The following AKT3 variants were observed in gnomAD, a reference collection of about 807,000 sequenced individuals.
AKT3 encodes RAC-gamma serine/threonine-protein kinase.
AKT3 carries 15 observed loss-of-function variants against 65.3 expected under a neutral mutation model. The ratio of observed to expected loss-of-function variants is 0.23; its 90% CI spans 0.15 to 0.35. The LOEUF (loss-of-function observed/expected upper bound fraction) is 0.35. Among genes scored for constraint, AKT3 ranks in the 10% least tolerant of loss-of-function variants. AKT3 has a pLI of 1.00. For missense variants in AKT3, 243 were observed against 576.5 expected (o/e 0.42, Z 5.92); for synonymous variants, 206 against 183.8 (o/e 1.12, Z -0.98).
intron 2 of AKT3, among the ~76,000 whole-genome samples, chr1:243,813,829 G>A (rs1356410599): frequency 1.3e-5 from 2 of 152,178 alleles, no homozygotes; most frequent in Non-Finnish European, 2.9e-5. Context: ...TATGGACTGG[G>A]CACAGTGACT....
At chr1:243,776,023 T>G (rs973783051) in intron 2 of AKT3, among the ~76,000 whole-genome samples, 1 of 152,220 alleles carries the variant, frequency 6.6e-6, no homozygotes, top group Non-Finnish European at 1.5e-5. Context: ...AAACCTGAGG[T>G]TGACAACCAT....
chr1:243,552,288 C>CAAAA (rs33995513), intron 11 of AKT3, among the ~76,000 whole-genome samples: 3,931 of 50,126 alleles, frequency 0.078, 1,483 homozygotes, highest in African/African-American at 0.1. Context: ...GACTCTGTCT[C>CAAAA]AAAAAAAAAA....
chr1:243,587,006 T>TA (rs950378744), intron 8 of AKT3, among the ~76,000 whole-genome samples: 15 of 151,150 alleles, frequency 9.9e-5, no homozygotes, highest in Admixed American at 5.3e-4. Context: ...ATTCTTAATA[T>TA]AAAAAAAAAT....
In AKT3 at chr1:243,781,656, A is replaced by AT. The variant is rs561392690; in HGVS notation, c.46+61468dup. On this transcript the variant is annotated intron_variant, in intron 2 of 13. Coordinates refer to ENST00000673466, the MANE Select transcript of AKT3 (RefSeq NM_005465.7). ...TGATGTTTGAGTGACAGACCTATGG[A>AT]TTTTTTTAACAGTTTTTTAAATGTA... Among the ~76,000 whole-genome samples, 324 of 152,242 alleles carry AT rather than the reference A, an allele frequency of 2.1e-3. 3 individuals carry two copies. The highest frequency in any genetic ancestry group is 0.014 in the Middle Eastern group (4 of 294).
chr1:243,831,931 T>A (rs1694542982), intron 2 of AKT3, among the ~76,000 whole-genome samples: 1 of 151,708 alleles, frequency 6.6e-6, no homozygotes, highest in Non-Finnish European at 1.5e-5. Flanking sequence ...TAATCCTGGC[T>A]CTATACCTAA....
intron 2 of AKT3, among the ~76,000 whole-genome samples, chr1:243,763,385 T>A (rs954693473): frequency 6.6e-6 from 1 of 152,110 alleles, no homozygotes; most frequent in African/African-American, 2.4e-5. Flanking sequence ...TTATATTCAA[T>A]GAATGAGAAG....
At chr1:243,767,630 T>G (rs1286768448) in intron 2 of AKT3, among the ~76,000 whole-genome samples, 1 of 152,088 alleles carries the variant, frequency 6.6e-6, no homozygotes, top group African/African-American at 2.4e-5. Context: ...TTTGAAAGAT[T>G]TGTCATTTAG....
intron 2 of AKT3, among the ~76,000 whole-genome samples, chr1:243,835,671 T>A (rs756713147): frequency 6.6e-6 from 1 of 152,102 alleles, no homozygotes; most frequent in African/African-American, 2.4e-5. Context: ...CAAACAATTG[T>A]AATATAAAAG....
intron 2 of AKT3, among the ~76,000 whole-genome samples, chr1:243,768,847 A>AG (rs1462865197): frequency 6.6e-6 from 1 of 152,034 alleles, no homozygotes; most frequent in East Asian, 1.9e-4. Context: ...AAAAAAAAAA[A>AG]AGAGAGCGAT....
intron 2 of AKT3, among the ~76,000 whole-genome samples, chr1:243,774,553 A>G (rs1256187621): frequency 6.6e-6 from 1 of 152,184 alleles, no homozygotes; most frequent in Non-Finnish European, 1.5e-5. Flanking sequence ...TATCACAAGT[A>G]AAATAGTATT....
intron 2 of AKT3, among the ~76,000 whole-genome samples, chr1:243,749,860 G>GA (rs1160502219): frequency 4.5e-4 from 68 of 152,130 alleles, no homozygotes; most frequent in African/African-American, 1.6e-3. Context: ...CACTACTACT[G>GA]ATCTCCACAA....
intron 2 of AKT3, among the ~76,000 whole-genome samples, chr1:243,698,009 T>C (rs12724472): frequency 6.6e-6 from 1 of 152,068 alleles, no homozygotes; most frequent in Admixed American, 6.6e-5. Context: ...CACTTTATTT[T>C]ACTGAAAAAA....
intron 2 of AKT3, among the ~76,000 whole-genome samples, chr1:243,727,835 T>A (rs939825387): frequency 2.6e-5 from 4 of 152,046 alleles, no homozygotes; most frequent in Non-Finnish European, 4.4e-5. Flanking sequence ...AACTAAAAAA[T>A]TTGATATAAT....
At chr1:243,551,509 A>G (rs1673062246) in intron 11 of AKT3, among the ~76,000 whole-genome samples, 1 of 151,990 alleles carries the variant, frequency 6.6e-6, no homozygotes. Context: ...AATGAAAACC[A>G]TTTCTCAGAT....
intron 12 of AKT3, among the ~76,000 whole-genome samples, chr1:243,543,992 T>C (rs1037100375): frequency 3.3e-5 from 5 of 152,112 alleles, no homozygotes; most frequent in African/African-American, 1.2e-4. Flanking sequence ...ATTCTATGTT[T>C]ACCTTAAGGC....
chr1:243,794,201 T>C (rs1480938319), intron 2 of AKT3: 1 of 152,212 alleles, frequency 6.6e-6, no homozygotes, highest in Non-Finnish European at 1.5e-5. Flanking sequence ...GCCCACCTAA[T>C]TTTTCTGTAT....
intron 1 of AKT3, chr1:243,843,656 G>A: frequency 1.6e-6 from 1 of 627,960 alleles, no homozygotes. Context: ...TAAATTTTTT[G>A]TTTTTTTTTT....
At chr1:243,607,376 G>A (rs759089855) in intron 8 of AKT3, among the ~76,000 whole-genome samples, 1 of 152,236 alleles carries the variant, frequency 6.6e-6, no homozygotes, top group Non-Finnish European at 1.5e-5. Flanking sequence ...GCATGATCTG[G>A]ATGTCAGACA....
chr1:243,743,879 T>C (rs937283599), intron 2 of AKT3, among the ~76,000 whole-genome samples: 10 of 152,148 alleles, frequency 6.6e-5, no homozygotes, highest in Non-Finnish European at 8.8e-5. Flanking sequence ...GGTGAAGATA[T>C]AGAACAAATG....
Sources: gnomAD v4.1 joint callset for allele counts (sites outside exome capture counted in the v4.1 genomes callset) on GRCh38, gnomAD v4.1.1 for gene constraint, MANE v1.5 for transcripts, NCBI Gene and HGNC (gene_info 2026-07-23, HGNC 2026-07-21) for gene names.